The following BMS1 variants were observed in gnomAD, a reference collection of about 807,000 sequenced individuals.
BMS1 encodes BMS1 ribosome biogenesis factor.
BMS1 carries 53 observed loss-of-function variants against 138.7 expected under a neutral mutation model. That is an observed-to-expected ratio of 0.38 (90% CI 0.31 to 0.48). The LOEUF (loss-of-function observed/expected upper bound fraction) is 0.48, where lower values mean the gene tolerates loss of function less well. Ranked by LOEUF, BMS1 falls within the 20% of genes least tolerant of loss-of-function variation. BMS1 has a pLI of 0.97. For synonymous variants in BMS1, 504 were observed against 539.9 expected, an observed-to-expected ratio of 0.93 and a Z score of 0.92; for missense variants, 1,360 against 1,565.5, an observed-to-expected ratio of 0.87 and a Z score of 2.22.
chr10:42,823,818 C>G (rs1344998930), intron 21 of BMS1, 34 bp downstream of exon 21: 3 of 1,457,186 alleles, frequency 2.1e-6, no homozygotes, highest in Non-Finnish European at 2.7e-6. Context: ...GGAGATGAAG[C>G]CTGTGCTCTA....
At position 42,831,196 on chromosome 10, in the gene BMS1, T is replaced by C. The variant is rs1253023026; in HGVS notation, c.*100T>C. The C allele has an allele frequency of 8.3e-7, 1 of 1,208,842 alleles. No individual in the cohort carries two copies. Among genetic ancestry groups the C allele is most frequent in the African/African-American group, 1.5e-5 (1 of 64,948 alleles). 74.9% of individuals were successfully genotyped at this position (1,208,842 alleles called of 1,614,324 possible). The stretch of plus-strand genomic sequence containing the variant: ...GAATGACAAGTCAGTGGGAAAGAGC[T>C]CAAGAGATGTCTCTACTCAAACTGT... On this transcript the variant is annotated 3_prime_UTR_variant, in exon 23 of 23. Coordinates refer to ENST00000374518, the MANE Select transcript of BMS1 (RefSeq NM_014753.4).
intron 12 of BMS1, among the ~76,000 whole-genome samples, chr10:42,799,914 G>T (rs1465246008): frequency 6.6e-6 from 1 of 151,724 alleles, no homozygotes; most frequent in Non-Finnish European, 1.5e-5. Flanking sequence ...TCTTTCTTTG[G>T]TTACATTTTA....
At chr10:42,809,195 C>T (rs550681530) in intron 13 of BMS1, among the ~76,000 whole-genome samples, 1 of 151,840 alleles carries the variant, frequency 6.6e-6, no homozygotes, top group Admixed American at 6.6e-5. Context: ...TTCAGCATAC[C>T]AGTTGGGAAT....
At chr10:42,819,433 G>A (rs995268108) in intron 15 of BMS1, among the ~76,000 whole-genome samples, 1 of 152,220 alleles carries the variant, frequency 6.6e-6, no homozygotes, top group African/African-American at 2.4e-5. Flanking sequence ...TAATTTTAAT[G>A]TAAATAGCCA....
chr10:42,830,548 G>T (rs1842773847), intron 22 of BMS1, 126 bp downstream of exon 22: 1 of 1,302,250 alleles, frequency 7.7e-7, no homozygotes, highest in African/African-American at 1.5e-5. Context: ...CAGAGGAAGA[G>T]CCAGAGTCCA....
chr10:42,803,725 A>G (rs1207553116), intron 13 of BMS1, among the ~76,000 whole-genome samples: 1 of 152,206 alleles, frequency 6.6e-6, no homozygotes, highest in East Asian at 1.9e-4. Flanking sequence ...TTCAAAAGAA[A>G]GTGTGGTGGG....
At chr10:42,811,618 G>A (rs1156586009) in intron 13 of BMS1, among the ~76,000 whole-genome samples, 35 of 133,212 alleles carry the variant, frequency 2.6e-4, no homozygotes, top group African/African-American at 8.6e-4. Context: ...TCCGCCTCCT[G>A]GGTTCACGCC....
chr10:42,818,573 G>A (rs578085136), intron 15 of BMS1, among the ~76,000 whole-genome samples: 31 of 152,178 alleles, frequency 2.0e-4, no homozygotes, highest in Non-Finnish European at 3.5e-4. Context: ...TGAGGATGTC[G>A]ACTGGAAGTT....
At chr10:42,829,723 G>A (rs759654436) in intron 21 of BMS1, among the ~76,000 whole-genome samples, 41 of 152,018 alleles carry the variant, frequency 2.7e-4, no homozygotes, top group Non-Finnish European at 4.4e-4. Flanking sequence ...TTGGGAGGCT[G>A]AGACAGGAGA....
At chr10:42,797,351 T>C (rs1318580642) in intron 10 of BMS1, 71 bp from the exon 11 acceptor site, 10 of 1,589,282 alleles carry the variant, frequency 6.3e-6, no homozygotes, top group Admixed American at 1.7e-5. Flanking sequence ...AAAAGCTGCA[T>C]TGTGGATGGA....
At chr10:42,796,365 A>G in intron 9 of BMS1, 109 bp from the exon 10 acceptor site, 1 of 1,264,790 alleles carries the variant, frequency 7.9e-7, no homozygotes, top group Non-Finnish European at 1.1e-6. Context: ...ATCTTAAACA[A>G]TTCCTTGACA....
chr10:42,784,722 C>T (rs1435394921), intron 2 of BMS1, 152 bp downstream of exon 2: 12 of 887,776 alleles, frequency 1.4e-5, no homozygotes, highest in Non-Finnish European at 1.9e-5. Flanking sequence ...ACGTGAGAAG[C>T]TTTTCCCATA....
intron 13 of BMS1, among the ~76,000 whole-genome samples, chr10:42,803,660 C>T (rs6593495): frequency 0.47 from 71,451 of 151,890 alleles, 17,464 homozygotes; most frequent in East Asian, 0.63. Context: ...CTATTCTCAC[C>T]TTCTCACTTG....
chr10:42,806,882 C>T (rs757559991), intron 13 of BMS1, among the ~76,000 whole-genome samples: 3 of 150,420 alleles, frequency 2.0e-5, no homozygotes, highest in Non-Finnish European at 4.4e-5. Flanking sequence ...AAAAAAAGAA[C>T]GAATACAGAG....
intron 6 of BMS1, among the ~76,000 whole-genome samples, chr10:42,792,153 G>T (rs1432269236): frequency 6.6e-6 from 1 of 152,010 alleles, no homozygotes; most frequent in East Asian, 1.9e-4. Flanking sequence ...TTTTCCACCT[G>T]CCAGAATCCA....
chr10:42,805,307 T>G lies in BMS1; in HGVS notation c.2329+3089T>G, dbSNP rs568127203. On this transcript the variant is annotated intron_variant, in intron 13 of 22. Coordinates refer to ENST00000374518, the MANE Select transcript of BMS1 (RefSeq NM_014753.4). ...CATATATGGGTGAATATTTCTGGGC[T>G]CTCTGTTCTGTTCCATTGATATATT... Among the ~76,000 whole-genome samples the G allele has an allele frequency of 5.5e-4, 84 of 152,314 alleles. 1 individual carries two copies. The highest frequency in any genetic ancestry group is 1.9e-3 in the African/African-American group (79 of 41,572).
rs142010673 is a variant in BMS1 at position 42,796,193 on chromosome 10, C to A, written c.1230-281C>A. Among the ~76,000 whole-genome samples the A allele has an allele frequency of 5.8e-3, 885 of 152,252 alleles. 12 individuals carry two copies. Among genetic ancestry groups the A allele is most frequent in the African/African-American group, 0.02 (816 of 41,548 alleles). ...AAAGATCTACAAAACAGTAACTTCT[C>A]TTTTGAGCAATTTTTTTCTAAAATT... On this transcript the variant is annotated intron_variant, in intron 9 of 22. Transcript: ENST00000374518.
intron 4 of BMS1, 49 bp from the exon 5 acceptor site, chr10:42,790,274 G>A: frequency 6.3e-7 from 1 of 1,595,834 alleles, no homozygotes; most frequent in South Asian, 1.1e-5. Context: ...CTTAGTGTAG[G>A]TGGTCTGTTT....
rs1219934301 is a variant in BMS1, at chr10:42,796,685, A to G, written c.1441A>G (p.Lys481Glu). ...GATGACTGATCAGTATATGGCTGTT[A>G]AGGGCATCAAACGACGGAAACTTGA... ...AEMTDQYMAVKGIKRRKLELE... is the reference protein window; with the variant it reads ...AEMTDQYMAVEGIKRRKLELE... The change falls in exon 10 of 23, where the codon AAG becomes GAG. Residue 481 changes from lysine to glutamate, a missense_variant. Around this residue, in one of 3 missense-constraint regions of BMS1, gnomAD observed 697 missense variants for 686.2 expected, o/e 1.02. Coordinates refer to ENST00000374518, the MANE Select transcript of BMS1 (RefSeq NM_014753.4). 3 of 1,614,202 alleles carry G rather than the reference A, an allele frequency of 1.9e-6. No homozygotes were observed. The highest frequency in any genetic ancestry group is 2.5e-6 in the Non-Finnish European group (3 of 1,180,044).
Sources: gnomAD v4.1 joint callset for allele counts (sites outside exome capture counted in the v4.1 genomes callset) on GRCh38, gnomAD v4.1.1 for gene constraint, gnomAD v4.1.1 regional missense constraint, MANE v1.5 for transcripts, NCBI Gene and HGNC (gene_info 2026-07-23, HGNC 2026-07-21) for gene names.